The following CHP1 variants were observed in gnomAD, a reference collection of about 807,000 sequenced individuals.
The protein encoded by CHP1 is calcineurin like EF-hand protein 1.
A neutral mutation model predicts 27.4 loss-of-function variants in CHP1; 11 were observed. That is an observed-to-expected ratio of 0.40 (90% CI 0.25 to 0.67). CHP1 has a LOEUF of 0.67. Among genes scored for constraint, CHP1 ranks in the 30% least tolerant of loss-of-function variants. The probability of loss-of-function intolerance (pLI) is 0.38; values close to 1 mark genes in which losing one functional copy is unlikely to be tolerated. For missense variants in CHP1, 169 were observed against 251.3 expected (o/e 0.67, Z 2.22); for synonymous variants, 89 against 87.4 (o/e 1.02, Z -0.10).
intron 5 of CHP1, among the ~76,000 whole-genome samples, chr15:41,278,094 C>G (rs780072406): frequency 6.6e-6 from 1 of 151,730 alleles, no homozygotes; most frequent in South Asian, 2.1e-4. Flanking sequence ...TTTGGGAGGC[C>G]GAGGTGAGCG....
intron 5 of CHP1, 109 bp downstream of exon 5, chr15:41,270,727 C>CAG: frequency 1.2e-6 from 1 of 846,218 alleles, no homozygotes; most frequent in Non-Finnish European, 2.0e-6. Context: ...CTGCTATGTG[C>CAG]AGAGTCCTGT....
chr15:41,247,181 C>T (rs976584528), intron 2 of CHP1, among the ~76,000 whole-genome samples: 2 of 151,672 alleles, frequency 1.3e-5, no homozygotes, highest in African/African-American at 2.4e-5. Flanking sequence ...TCGGCCTGGC[C>T]GACATGGTGA....
At chr15:41,264,465 G>A (rs1156509730) in intron 4 of CHP1, among the ~76,000 whole-genome samples, 1 of 152,030 alleles carries the variant, frequency 6.6e-6, no homozygotes, top group East Asian at 1.9e-4. Context: ...TTTGAGATAG[G>A]GTCTCACTCT....
chr15:41,260,325 G>A (rs1222621971), intron 3 of CHP1, among the ~76,000 whole-genome samples: 1 of 151,848 alleles, frequency 6.6e-6, no homozygotes, highest in African/African-American at 2.4e-5. Context: ...ATTAGCCTGT[G>A]GCACAATGAA....
intron 1 of CHP1, among the ~76,000 whole-genome samples, chr15:41,237,497 T>C (rs2047283383): frequency 1.3e-5 from 2 of 152,184 alleles, no homozygotes; most frequent in South Asian, 4.1e-4. Context: ...AAGATAGATT[T>C]TGTTTGTTTT....
intron 3 of CHP1, among the ~76,000 whole-genome samples, chr15:41,262,208 A>T (rs2140936738): frequency 6.6e-6 from 1 of 152,194 alleles, no homozygotes; most frequent in East Asian, 1.9e-4. Flanking sequence ...TAAGCAGAGC[A>T]AGACTCTGTC....
At chr15:41,238,165 G>GTT (rs140372339) in intron 1 of CHP1, among the ~76,000 whole-genome samples, 1 of 148,468 alleles carries the variant, frequency 6.7e-6, no homozygotes, top group African/African-American at 2.5e-5. Flanking sequence ...TTTGGCGTGT[G>GTT]TTTTTTTTTT....
chr15:41,252,944 T>G (rs2047377754), intron 2 of CHP1, among the ~76,000 whole-genome samples: 1 of 132,318 alleles, frequency 7.6e-6, no homozygotes, highest in Non-Finnish European at 1.6e-5. Context: ...TTTTTTTTTT[T>G]TTTTTTTTTT....
chr15:41,238,812 A>G (rs1252325349), intron 1 of CHP1, among the ~76,000 whole-genome samples: 1 of 152,144 alleles, frequency 6.6e-6, no homozygotes, highest in Admixed American at 6.6e-5. Context: ...AGATCGCGCC[A>G]CTGCACTCCA....
At chr15:41,271,983 T>C (rs574636410) in intron 5 of CHP1, among the ~76,000 whole-genome samples, 1 of 152,318 alleles carries the variant, frequency 6.6e-6, no homozygotes. Flanking sequence ...CGCCTCGGCC[T>C]CTCAAAGTGT....
At chr15:41,271,321 G>T (rs989918590) in intron 5 of CHP1, among the ~76,000 whole-genome samples, 14 of 151,404 alleles carry the variant, frequency 9.2e-5, no homozygotes, top group African/African-American at 3.4e-4. Context: ...CCAGCTGCTC[G>T]GGAGGCTGAA....
chr15:41,255,530 G>A (rs952320770), intron 2 of CHP1, among the ~76,000 whole-genome samples: 3 of 151,368 alleles, frequency 2.0e-5, no homozygotes, highest in Non-Finnish European at 4.4e-5. Context: ...AAAATTGGCC[G>A]GGCATGGTAG....
intron 3 of CHP1, among the ~76,000 whole-genome samples, chr15:41,261,304 A>G (rs1008601200): frequency 9.2e-5 from 14 of 151,516 alleles, no homozygotes; most frequent in African/African-American, 3.4e-4. Context: ...ACAGGTGCCC[A>G]CTACCACGTC....
chr15:41,249,773 C>T (rs145336683), intron 2 of CHP1, among the ~76,000 whole-genome samples: 2 of 151,988 alleles, frequency 1.3e-5, no homozygotes, highest in Admixed American at 6.6e-5. Flanking sequence ...CGCCCGGCCT[C>T]GCCTTCACCT....
At chr15:41,278,246 C>T (rs370878886) in intron 5 of CHP1, among the ~76,000 whole-genome samples, 12 of 147,106 alleles carry the variant, frequency 8.2e-5, no homozygotes, top group African/African-American at 2.5e-4. Context: ...GGCAGGAGAA[C>T]GGCGTGAACC....
intron 2 of CHP1, among the ~76,000 whole-genome samples, chr15:41,247,143 T>G (rs989200091): frequency 6.6e-6 from 1 of 151,424 alleles, no homozygotes; most frequent in African/African-American, 2.4e-5. Flanking sequence ...CCAAGGCAGG[T>G]GGATCACTTG....
At chr15:41,277,731 T>C (rs2047526186) in intron 5 of CHP1, among the ~76,000 whole-genome samples, 3 of 145,912 alleles carry the variant, frequency 2.1e-5, no homozygotes, top group Non-Finnish European at 4.5e-5. Flanking sequence ...GAGGTTGCAG[T>C]GAGCCGAGAT....
chr15:41,265,204 T>C (rs1321872604), intron 4 of CHP1, among the ~76,000 whole-genome samples: 2 of 147,342 alleles, frequency 1.4e-5, no homozygotes, highest in Non-Finnish European at 3.0e-5. Context: ...TCTACAAAAA[T>C]ACAAAAAAAA....
chr15:41,248,703 C>T (rs1021253182), intron 2 of CHP1, among the ~76,000 whole-genome samples: 2 of 151,974 alleles, frequency 1.3e-5, no homozygotes, highest in Admixed American at 6.6e-5. Context: ...CCTTGAGGCC[C>T]GGAGTCTCAA....
Sources: gnomAD v4.1 joint callset for allele counts (sites outside exome capture counted in the v4.1 genomes callset) on GRCh38, gnomAD v4.1.1 for gene constraint, MANE v1.5 for transcripts, NCBI Gene and HGNC (gene_info 2026-07-23, HGNC 2026-07-21) for gene names.